FRMD4A: variants seen among roughly 807,000 people sequenced by gnomAD.
The protein encoded by FRMD4A is FERM domain containing 4A.
In FRMD4A, 29 loss-of-function variants were observed where a neutral mutation model predicts 129.1. That is an observed-to-expected ratio of 0.22 (90% CI 0.17 to 0.31). FRMD4A has a LOEUF of 0.31. FRMD4A is among the 10% of genes least tolerant of loss of function. FRMD4A has a pLI of 1.00. For synonymous variants in FRMD4A, 634 were observed against 571.6 expected (o/e 1.11, Z -1.56); for missense variants, 1,272 against 1,375.8 (o/e 0.92, Z 1.19).
intron 2 of FRMD4A, among the ~76,000 whole-genome samples, chr10:13,986,754 G>T (rs949160800): frequency 2.6e-5 from 4 of 151,616 alleles, no homozygotes; most frequent in Non-Finnish European, 5.9e-5. Context: ...TATTGGTCTG[G>T]GGGAGGGACT....
At chr10:13,807,468 G>T (rs953412756) in intron 4 of FRMD4A, among the ~76,000 whole-genome samples, 1 of 152,132 alleles carries the variant, frequency 6.6e-6, no homozygotes, top group Non-Finnish European at 1.5e-5. Flanking sequence ...TAATATGTTT[G>T]CAATTCTTCT....
chr10:14,033,420 A>G (rs1042763678), intron 2 of FRMD4A, among the ~76,000 whole-genome samples: 1 of 152,198 alleles, frequency 6.6e-6, no homozygotes, highest in African/African-American at 2.4e-5. Context: ...TCACCCAAAT[A>G]TTGAGCATTG....
chr10:13,911,308 G>A (rs2094938329), intron 2 of FRMD4A, among the ~76,000 whole-genome samples: 1 of 152,096 alleles, frequency 6.6e-6, no homozygotes. Flanking sequence ...AAATGTTGAT[G>A]GTGAACAATT....
chr10:14,126,281 T>C (rs919523036), intron 2 of FRMD4A, among the ~76,000 whole-genome samples: 22 of 151,066 alleles, frequency 1.5e-4, no homozygotes, highest in African/African-American at 5.3e-4. Context: ...AGCAATTCTC[T>C]TCCCTCAGCC....
chr10:14,150,146 ACCTCCCACCAGGTC>A (rs1840270805), intron 2 of FRMD4A, among the ~76,000 whole-genome samples: 1 of 151,966 alleles, frequency 6.6e-6, no homozygotes, highest in Non-Finnish European at 1.5e-5. Context: ...TGATCCAATC[ACCTCCCACCAGGTC>A]CCTCCCTCAA....
chr10:13,972,032 C>T, intron 2 of FRMD4A: 2 of 1,164,376 alleles, frequency 1.7e-6, no homozygotes, highest in South Asian at 3.5e-5. Flanking sequence ...CTCTTAACTC[C>T]CTCCCAAAGT....
chr10:13,769,388 A>T (rs984053999), intron 6 of FRMD4A, among the ~76,000 whole-genome samples: 1 of 152,094 alleles, frequency 6.6e-6, no homozygotes, highest in Non-Finnish European at 1.5e-5. Flanking sequence ...GGCTGACTGC[A>T]ACCTCTGCCT....
At chr10:13,710,598 T>A (rs1412732430) in intron 12 of FRMD4A, 3 of 152,290 alleles carry the variant, frequency 2.0e-5, no homozygotes, top group Non-Finnish European at 4.4e-5. Context: ...GGATTCCCCC[T>A]GATGCTTGCT....
At chr10:14,152,674 A>T (rs1231551173) in intron 2 of FRMD4A, among the ~76,000 whole-genome samples, 1 of 152,100 alleles carries the variant, frequency 6.6e-6, no homozygotes, top group Admixed American at 6.5e-5. Context: ...CTGTCTCTAC[A>T]AACAAAATTT....
chr10:14,115,675 T>C (rs1156880329), intron 2 of FRMD4A, among the ~76,000 whole-genome samples: 1 of 152,048 alleles, frequency 6.6e-6, no homozygotes, highest in Admixed American at 6.6e-5. Context: ...CAAGAACTGG[T>C]GGTTAAAAAG....
intron 2 of FRMD4A, among the ~76,000 whole-genome samples, chr10:14,018,694 T>C (rs1832592896): frequency 6.6e-6 from 1 of 152,110 alleles, no homozygotes; most frequent in South Asian, 2.1e-4. Context: ...ATTATTGCAA[T>C]TGTCCAAATG....
chr10:14,041,848 G>T (rs1447672894), intron 2 of FRMD4A, among the ~76,000 whole-genome samples: 4 of 152,178 alleles, frequency 2.6e-5, no homozygotes, highest in African/African-American at 9.7e-5. Context: ...TTTATATAAG[G>T]TTCAAAAACA....
intron 2 of FRMD4A, among the ~76,000 whole-genome samples, chr10:14,268,458 G>A (rs1329622840): frequency 6.6e-6 from 1 of 152,094 alleles, no homozygotes; most frequent in Non-Finnish European, 1.5e-5. Flanking sequence ...ACTTATTTCT[G>A]CAAATAGTCC....
intron 2 of FRMD4A, among the ~76,000 whole-genome samples, chr10:13,883,653 G>A (rs2094572398): frequency 6.6e-6 from 1 of 152,174 alleles, no homozygotes; most frequent in African/African-American, 2.4e-5. Flanking sequence ...GGAACAGGAA[G>A]GCAAATGAAC....
At chr10:14,013,427 C>T (rs2095688509) in intron 2 of FRMD4A, among the ~76,000 whole-genome samples, 1 of 152,104 alleles carries the variant, frequency 6.6e-6, no homozygotes, top group Non-Finnish European at 1.5e-5. Flanking sequence ...AATGACCTCA[C>T]CTCCAGGCTG....
intron 2 of FRMD4A, among the ~76,000 whole-genome samples, chr10:14,314,229 C>T (rs1846655008): frequency 6.6e-6 from 1 of 151,988 alleles, no homozygotes; most frequent in South Asian, 2.1e-4. Flanking sequence ...CTTTTGCCAC[C>T]TCGCATGCAA....
At chr10:13,853,986 A>AGAC (rs987697485) in intron 3 of FRMD4A, among the ~76,000 whole-genome samples, 1 of 152,106 alleles carries the variant, frequency 6.6e-6, no homozygotes, top group African/African-American at 2.4e-5. Context: ...GCTCCCTGTG[A>AGAC]GACAGGATAT....
chr10:14,296,435 G>A (rs1307281002), intron 2 of FRMD4A, among the ~76,000 whole-genome samples: 2 of 152,014 alleles, frequency 1.3e-5, no homozygotes, highest in Non-Finnish European at 2.9e-5. Context: ...CAAGCCTCTG[G>A]GCCTGTCCTT....
chr10:13,925,062 T>TAAAAAAAAAAA (rs57484737), intron 2 of FRMD4A, among the ~76,000 whole-genome samples: 4 of 103,220 alleles, frequency 3.9e-5, no homozygotes, highest in African/African-American at 1.5e-4. Context: ...AGACTCCGTG[T>TAAAAAAAAAAA]AAAAAAAAAA....
Sources: gnomAD v4.1 joint callset for allele counts (sites outside exome capture counted in the v4.1 genomes callset) on GRCh38, gnomAD v4.1.1 for gene constraint, MANE v1.5 for transcripts, NCBI Gene and HGNC (gene_info 2026-07-23, HGNC 2026-07-21) for gene names.